The following KCNIP4 variants were observed in gnomAD, a reference collection of about 807,000 sequenced individuals.
KCNIP4 encodes potassium voltage-gated channel interacting protein 4.
KCNIP4 carries 12 observed loss-of-function variants against 34.0 expected under a neutral mutation model. The ratio of observed to expected loss-of-function variants is 0.35; its 90% confidence interval spans 0.23 to 0.57. The LOEUF (loss-of-function observed/expected upper bound fraction) is 0.57. Ranked by LOEUF, KCNIP4 falls within the 20% of genes least tolerant of loss-of-function variation. The probability of loss-of-function intolerance (pLI) is 0.83; values close to 1 mark genes in which losing one functional copy is unlikely to be tolerated. For missense variants in KCNIP4, 238 were observed against 311.7 expected (o/e 0.76, Z 1.78); for synonymous variants, 124 against 102.2 (o/e 1.21, Z -1.29).
intron 1 of KCNIP4, among the ~76,000 whole-genome samples, chr4:21,744,519 C>T (rs1273613993): frequency 6.6e-6 from 1 of 152,276 alleles, no homozygotes; most frequent in African/African-American, 2.4e-5. Flanking sequence ...TCTGATAGAG[C>T]TATCCCACTT....
intron 1 of KCNIP4, among the ~76,000 whole-genome samples, chr4:20,903,852 T>A (rs1727428614): frequency 6.6e-6 from 1 of 152,162 alleles, no homozygotes; most frequent in South Asian, 2.1e-4. Flanking sequence ...GCAATGCCTT[T>A]AATTGCCTGA....
At chr4:21,389,764 G>A (rs927091626) in intron 1 of KCNIP4, among the ~76,000 whole-genome samples, 21 of 152,068 alleles carry the variant, frequency 1.4e-4, no homozygotes, top group African/African-American at 3.6e-4. Flanking sequence ...ATAAACATAC[G>A]TGTGCATGTG....
intron 1 of KCNIP4, among the ~76,000 whole-genome samples, chr4:21,385,853 T>G (rs2109493535): frequency 6.6e-6 from 1 of 152,216 alleles, no homozygotes; most frequent in East Asian, 1.9e-4. Flanking sequence ...AATGAGTGTG[T>G]CCCAAGTGCC....
chr4:21,506,976 T>C (rs2109908606), intron 1 of KCNIP4, among the ~76,000 whole-genome samples: 1 of 151,882 alleles, frequency 6.6e-6, no homozygotes, highest in African/African-American at 2.4e-5. Flanking sequence ...TGTGTGCAGA[T>C]GGAGTCTCAC....
chr4:21,261,685 C>G (rs545102355), intron 1 of KCNIP4, among the ~76,000 whole-genome samples: 5 of 152,290 alleles, frequency 3.3e-5, no homozygotes, highest in African/African-American at 1.2e-4. Context: ...CTTTCATTCT[C>G]TCCCTCATAC....
intron 1 of KCNIP4, among the ~76,000 whole-genome samples, chr4:21,607,226 C>A (rs576837054): frequency 6.6e-6 from 1 of 152,068 alleles, no homozygotes; most frequent in African/African-American, 2.4e-5. Context: ...AGTCTCTCCA[C>A]GCCTCAGTTT....
At chr4:21,831,340 T>C (rs539284167) in intron 1 of KCNIP4, among the ~76,000 whole-genome samples, 1 of 151,320 alleles carries the variant, frequency 6.6e-6, no homozygotes, top group Non-Finnish European at 1.5e-5. Context: ...AGAAAAATAA[T>C]AGAGAAGATC....
chr4:20,916,563 T>G (rs1728832177), intron 1 of KCNIP4, among the ~76,000 whole-genome samples: 1 of 152,146 alleles, frequency 6.6e-6, no homozygotes, highest in Non-Finnish European at 1.5e-5. Context: ...TCATTTTAAT[T>G]GGTAGCCCTT....
At chr4:21,233,001 A>G (rs1016433720) in intron 1 of KCNIP4, among the ~76,000 whole-genome samples, 2 of 152,146 alleles carry the variant, frequency 1.3e-5, no homozygotes, top group African/African-American at 4.8e-5. Flanking sequence ...TGAAAACTTT[A>G]CTAAAAGAAC....
At chr4:21,179,223 T>A (rs930766718) in intron 1 of KCNIP4, among the ~76,000 whole-genome samples, 1 of 152,226 alleles carries the variant, frequency 6.6e-6, no homozygotes, top group African/African-American at 2.4e-5. Context: ...CCCAACTCAT[T>A]TGACCTTCAT....
intron 1 of KCNIP4, among the ~76,000 whole-genome samples, chr4:20,918,698 C>G (rs142904623): frequency 6.6e-6 from 1 of 152,186 alleles, no homozygotes; most frequent in Non-Finnish European, 1.5e-5. Context: ...CCCTCTTCTC[C>G]TTTCCTCTCC....
chr4:21,338,380 AT>A (rs915667404), intron 1 of KCNIP4, among the ~76,000 whole-genome samples: 15 of 151,700 alleles, frequency 9.9e-5, no homozygotes, highest in African/African-American at 3.6e-4. Context: ...CTGGAAAACC[AT>A]TTTTTTTAAA....
chr4:20,983,029 T>C (rs1032826526), intron 1 of KCNIP4, among the ~76,000 whole-genome samples: 4 of 152,218 alleles, frequency 2.6e-5, no homozygotes, highest in African/African-American at 9.6e-5. Flanking sequence ...AGTAAAAGCA[T>C]TATTTCATAA....
At chr4:20,956,887 C>T (rs116742525) in intron 1 of KCNIP4, among the ~76,000 whole-genome samples, 1 of 152,036 alleles carries the variant, frequency 6.6e-6, no homozygotes, top group African/African-American at 2.4e-5. Context: ...TAGAATAACA[C>T]AAATAACTGC....
chr4:21,905,117 G>A (rs1350943797), intron 1 of KCNIP4, among the ~76,000 whole-genome samples: 1 of 152,100 alleles, frequency 6.6e-6, no homozygotes, highest in Non-Finnish European at 1.5e-5. Context: ...TGACCCCAAA[G>A]CCACCAAAAA....
intron 1 of KCNIP4, among the ~76,000 whole-genome samples, chr4:20,973,324 C>G (rs1424658662): frequency 1.3e-5 from 2 of 152,188 alleles, no homozygotes; most frequent in African/African-American, 4.8e-5. Flanking sequence ...ACCTCATGAG[C>G]CAAACTCTGC....
intron 1 of KCNIP4, among the ~76,000 whole-genome samples, chr4:21,655,872 C>T (rs1340622198): frequency 6.6e-6 from 1 of 152,150 alleles, no homozygotes; most frequent in Non-Finnish European, 1.5e-5. Flanking sequence ...AATGGGATGG[C>T]TCTAAAATAT....
At chr4:21,147,956 A>AAAAAAAAAAAAAAAAAAAAAAAAG (rs1553945843) in intron 1 of KCNIP4, among the ~76,000 whole-genome samples, 52 of 128,386 alleles carry the variant, frequency 4.1e-4, no homozygotes, top group African/African-American at 6.8e-4. Flanking sequence ...AAAAAAAAAA[A>AAAAAAAAAAAAAAAAAAAAAAAAG]AAAAGAAAAA....
intron 1 of KCNIP4, among the ~76,000 whole-genome samples, chr4:20,985,357 C>T (rs1422306154): frequency 6.6e-6 from 1 of 152,140 alleles, no homozygotes; most frequent in Non-Finnish European, 1.5e-5. Context: ...ACTATGTGCT[C>T]ATCAATATTG....
Sources: allele counts gnomAD v4.1 joint callset (sites outside exome capture counted in the v4.1 genomes callset), GRCh38; gene constraint gnomAD v4.1.1; transcripts MANE v1.5; gene names NCBI Gene and HGNC (gene_info 2026-07-23, HGNC 2026-07-21).